The following TMX4 variants were observed in gnomAD, a reference collection of about 807,000 sequenced individuals.
The protein encoded by TMX4 is thioredoxin related transmembrane protein 4.
Under a neutral mutation model 33.3 loss-of-function variants are expected in TMX4, and 23 were observed. The ratio of observed to expected loss-of-function variants is 0.69; its 90% CI spans 0.50 to 0.98. The LOEUF (loss-of-function observed/expected upper bound fraction) is 0.98. Ranked by LOEUF, TMX4 falls within the 50% of genes least tolerant of loss-of-function variation. TMX4 has a pLI of 0.00. For missense variants in TMX4, 399 were observed against 448.9 expected (o/e 0.89, Z 1.01); for synonymous variants, 164 against 161.5 (o/e 1.02, Z -0.12).
At chr20:7,990,529 A>C (rs1469073965) in intron 5 of TMX4, among the ~76,000 whole-genome samples, 1 of 152,198 alleles carries the variant, frequency 6.6e-6, no homozygotes, top group Non-Finnish European at 1.5e-5. Flanking sequence ...GCCTCCATGC[A>C]TCTGAGGTAG....
intron 2 of TMX4, 82 bp downstream of exon 2, chr20:8,010,118 C>T (rs755588514): frequency 3.5e-5 from 43 of 1,213,714 alleles, no homozygotes; most frequent in Non-Finnish European, 5.1e-5. Flanking sequence ...ATCCCAGACT[C>T]TCAACTTTTC....
In TMX4 at chr20:7,980,112, T is replaced by A. The variant is rs907145115; in HGVS notation, c.*2139A>T. On this transcript the variant is annotated 3_prime_UTR_variant, in exon 8 of 8. Transcript: ENST00000246024. ...TTTTGGAGCATTTGGGGTTTTGGAT[T>A]GTTGGAACGGAATGTTCAACCTGTA... 6.6e-6 allele frequency: 1 copy of A among 152,246 alleles called. No individual in the cohort carries two copies. Among genetic ancestry groups the A allele is most frequent in the Non-Finnish European group, 1.5e-5 (1 of 68,048 alleles). The allele number at this position is 152,246 out of a possible 1,614,324, so 9.4% of individuals were successfully genotyped here. A position where few individuals can be genotyped will look rare whatever the true frequency, so the allele number is the denominator to read the frequency against.
chr20:7,989,143 G>A (rs2050643327), intron 5 of TMX4, among the ~76,000 whole-genome samples: 1 of 151,774 alleles, frequency 6.6e-6, no homozygotes, highest in Non-Finnish European at 1.5e-5. Flanking sequence ...TTACTGTATA[G>A]TTTCCTACTT....
At chr20:8,000,287 ACCTGG>A (rs1297541441) in intron 3 of TMX4, among the ~76,000 whole-genome samples, 1 of 151,920 alleles carries the variant, frequency 6.6e-6, no homozygotes, top group Non-Finnish European at 1.5e-5. Flanking sequence ...CCCCCCTTCA[ACCTGG>A]CCTCCCTCTC....
At chr20:8,018,485 A>G (rs868681036) in intron 1 of TMX4, among the ~76,000 whole-genome samples, 309 of 19,410 alleles carry the variant, frequency 0.016, 15 homozygotes, top group Non-Finnish European at 0.017. Context: ...GGAGGGGGAG[A>G]GAGAGAGAGA....
At chr20:8,018,433 G>GGA (rs59344731) in intron 1 of TMX4, among the ~76,000 whole-genome samples, 4 of 26,390 alleles carry the variant, frequency 1.5e-4, no homozygotes, top group African/African-American at 9.2e-4. Flanking sequence ...AAGAGAGAGA[G>GGA]GAGAGAGAGA....
chr20:8,019,171 G>C (rs757937614), intron 1 of TMX4: 1 of 483,944 alleles, frequency 2.1e-6, no homozygotes, highest in Non-Finnish European at 3.7e-6. Flanking sequence ...GTCACCGCGA[G>C]GGCTCGGCGC....
intron 5 of TMX4, among the ~76,000 whole-genome samples, chr20:7,993,425 AAG>A (rs2050663353): frequency 6.6e-6 from 1 of 152,194 alleles, no homozygotes; most frequent in Non-Finnish European, 1.5e-5. Context: ...TGACTAAAGG[AAG>A]AGTCAGCTAA....
intron 1 of TMX4, among the ~76,000 whole-genome samples, chr20:8,015,986 G>A (rs1468283604): frequency 1.3e-5 from 2 of 152,058 alleles, no homozygotes; most frequent in African/African-American, 4.8e-5. Flanking sequence ...TATTTCTTCT[G>A]GGGGAAAAAG....
chr20:8,011,417 T>A (rs537398142), intron 1 of TMX4, among the ~76,000 whole-genome samples: 21 of 151,796 alleles, frequency 1.4e-4, no homozygotes, highest in Non-Finnish European at 2.7e-4. Flanking sequence ...TGTCAGGTCA[T>A]CATTTACAAA....
rs113087126 is a variant in TMX4 at position 7,995,897 on chromosome 20, T to G, written c.513+129A>C. ...CACTGGAAACCCCACATGAGAGTAGTTGCATGGCTTAAGAAAAAAAGTGAA... is the reference window on the plus strand; with the variant it reads ...CACTGGAAACCCCACATGAGAGTAGGTGCATGGCTTAAGAAAAAAAGTGAA... On this transcript the variant is annotated intron_variant, in intron 5 of 7. Transcript: ENST00000246024. The G allele has an allele frequency of 1.7e-4, 133 of 762,520 alleles. 1 individual carries two copies. The highest frequency in any genetic ancestry group is 1.6e-3 in the African/African-American group (92 of 56,388). 47.2% of individuals were successfully genotyped at this position (762,520 alleles called of 1,614,324 possible). A position where few individuals can be genotyped will look rare whatever the true frequency, so the allele number is the denominator to read the frequency against.
chr20:7,999,866 A>C lies in TMX4; in HGVS notation c.339-6T>G. 6.3e-7 allele frequency: 1 copy of C among 1,598,378 alleles called. No individual in the cohort carries two copies. Among genetic ancestry groups the C allele is most frequent in the Non-Finnish European group, 8.5e-7 (1 of 1,175,952 alleles). ...GGAATATCCCATCCTTTGCACTATAAATTATGAAAACAAGTAGAAAGCAAA... is the reference window on the plus strand; with the variant it reads ...GGAATATCCCATCCTTTGCACTATACATTATGAAAACAAGTAGAAAGCAAA... On this transcript the variant is annotated splice_polypyrimidine_tract_variant and splice_region_variant and intron_variant, in intron 3 of 7. Transcript: ENST00000246024.
rs1318337385 is a variant in TMX4 at position 7,978,819 on chromosome 20, A to C, written c.*3432T>G. On this transcript the variant is annotated 3_prime_UTR_variant, in exon 8 of 8. Coordinates refer to ENST00000246024, the MANE Select transcript of TMX4 (RefSeq NM_021156.4). ...ATGTTGCTTCAATATGAGATCTCTG[A>C]GCAAGCTGGGTTGGTTTAGCAGATC... The C allele has an allele frequency of 6.6e-6, 1 of 152,220 alleles. No homozygotes were observed. The highest frequency in any genetic ancestry group is 1.9e-4 in the East Asian group (1 of 5,202). The allele number at this position is 152,220 out of a possible 1,614,324, so 9.4% of individuals were successfully genotyped here.
At chr20:8,018,583 C>G (rs548880957) in intron 1 of TMX4, among the ~76,000 whole-genome samples, 1 of 147,872 alleles carries the variant, frequency 6.8e-6, no homozygotes, top group Admixed American at 6.8e-5. Flanking sequence ...TGCCCACCAT[C>G]CACTGCAAGC....
intron 6 of TMX4, 52 bp downstream of exon 6, chr20:7,987,236 C>T (rs750831396): frequency 4.5e-5 from 55 of 1,229,028 alleles, no homozygotes; most frequent in Non-Finnish European, 6.3e-5. Flanking sequence ...TTTATTTGTA[C>T]ATGAAATTCA....
chr20:8,018,440 G>GTCTC (rs2050789610), intron 1 of TMX4, among the ~76,000 whole-genome samples: 1 of 57,580 alleles, frequency 1.7e-5, no homozygotes, highest in African/African-American at 9.1e-5. Context: ...AGAGGAGAGA[G>GTCTC]AGAGAGAGGG....
chr20:7,997,695 C>T (rs886327457), intron 4 of TMX4, among the ~76,000 whole-genome samples: 1 of 152,234 alleles, frequency 6.6e-6, no homozygotes, highest in African/African-American at 2.4e-5. Flanking sequence ...GGCTCTCGTA[C>T]TCCTTTGTTC....
intron 5 of TMX4, among the ~76,000 whole-genome samples, chr20:7,988,931 G>A (rs1183975285): frequency 6.6e-6 from 1 of 151,946 alleles, no homozygotes; most frequent in Non-Finnish European, 1.5e-5. Context: ...ATTGAGGCAG[G>A]AGAATTGCTT....
rs1365390222 is a variant in TMX4 at position 7,987,368 on chromosome 20, C to G, written c.535G>C (p.Val179Leu). 1 of 1,589,292 alleles carries G rather than the reference C, an allele frequency of 6.3e-7. No individual in the cohort carries two copies. Among genetic ancestry groups the G allele is most frequent in the African/African-American group, 1.4e-5 (1 of 73,264 alleles). Residue 179 changes from valine (V) to leucine (L), a missense_variant, in exon 6 of 8, where the codon GTG (valine) becomes CTG (leucine). Val to Leu is a conservative substitution (Grantham distance 32, BLOSUM62 1). Transcript: ENST00000246024. ...CACCAAGCAGGAATTCCAAGAGTCA[C>G]TGTGAAATAGTTGTGAAGATGCTGG... ...KIWHLHNYFTVTLGIPAWCSY... is the reference protein window; with the variant it reads ...KIWHLHNYFTLTLGIPAWCSY...
Sources: gnomAD v4.1 joint callset for allele counts (sites outside exome capture counted in the v4.1 genomes callset) on GRCh38, gnomAD v4.1.1 for gene constraint, MANE v1.5 for transcripts, NCBI Gene and HGNC (gene_info 2026-07-23, HGNC 2026-07-21) for gene names.